LAP3: variants seen among roughly 807,000 people sequenced by gnomAD.
LAP3 encodes leucine aminopeptidase 3.
In LAP3, 46 loss-of-function variants were observed where a neutral mutation model predicts 58.8. That is an observed-to-expected ratio of 0.78 (90% CI 0.62 to 1.00). LAP3 has a LOEUF of 1.00. Among genes scored for constraint, LAP3 ranks in the 50% least tolerant of loss-of-function variants. LAP3 has a pLI of 0.00. For missense variants in LAP3, 615 were observed against 659.1 expected, an observed-to-expected ratio of 0.93 and a Z score of 0.73; for synonymous variants, 257 against 237.7, an observed-to-expected ratio of 1.08 and a Z score of -0.75.
intron 2 of LAP3, among the ~76,000 whole-genome samples, chr4:17,581,329 C>G (rs1178920782): frequency 6.6e-6 from 1 of 152,206 alleles, no homozygotes; most frequent in African/African-American, 2.4e-5. Context: ...CCTTGTGCAG[C>G]TGTAGCATTG....
In LAP3 at chr4:17,581,817, A is replaced by G; in HGVS notation, c.273+3A>G. ...GAACCTTTTATGGTCTGCATCAGGT[A>G]TGAGAAGAACGTGATCATTTGGTAA... On this transcript the variant is annotated splice_donor_region_variant and intron_variant, in intron 3 of 12. Transcript: ENST00000226299. 2 of 1,612,518 alleles carry G rather than the reference A, an allele frequency of 1.2e-6. No individual in the cohort carries two copies. The highest frequency in any genetic ancestry group is 2.2e-5 in the East Asian group (1 of 44,880).
rs754150532 is a variant in LAP3, at chr4:17,579,805, G to T, written c.103-19G>T. 2 of 1,419,378 alleles carry T rather than the reference G, an allele frequency of 1.4e-6. No individual in the cohort carries two copies. Among genetic ancestry groups the T allele is most frequent in the Non-Finnish European group, 9.9e-7 (1 of 1,010,666 alleles). 87.9% of individuals were successfully genotyped at this position (1,419,378 alleles called of 1,614,324 possible). A position where few individuals can be genotyped will look rare whatever the true frequency, so the allele number is the denominator to read the frequency against. ...TCTACTCTAATTCTATTATATTTAC[G>T]TTTTTTGCTTATTCCCAGGGCCTTG... On this transcript the variant is annotated intron_variant, in intron 1 of 12. Transcript: ENST00000226299.
chr4:17,601,027 T>G (rs1236636761), intron 10 of LAP3, among the ~76,000 whole-genome samples: 1 of 152,192 alleles, frequency 6.6e-6, no homozygotes, highest in Non-Finnish European at 1.5e-5. Flanking sequence ...TACCCCAGAT[T>G]GTAGGAACAG....
Position 17,583,597 on chromosome 4 carries a change from T to TC in LAP3, c.494_495insC (p.Gln167AlafsTer43). 1 of 1,614,122 alleles carries TC rather than the reference T, an allele frequency of 6.2e-7. No individual in the cohort carries two copies. The highest frequency in any genetic ancestry group is 1.3e-5 in the African/African-American group (1 of 75,022). On this transcript the variant is annotated frameshift_variant, in exon 5 of 13. Transcript: ENST00000226299. LOFTEE classifies it high-confidence loss of function. Reference sequence around the variant, plus strand: ...CTTGGTCTCTATGAATACGATGACCTAAAGCAAAAAAAGAAGATGGCTGTG... The same window carrying TC: ...CTTGGTCTCTATGAATACGATGACCTCAAAGCAAAAAAAGAAGATGGCTGTG...
chr4:17,605,158 A>G (rs1341222814), intron 11 of LAP3, among the ~76,000 whole-genome samples: 1 of 150,458 alleles, frequency 6.6e-6, no homozygotes, highest in South Asian at 2.1e-4. Context: ...ACCCTCACTT[A>G]CTGCCATTGG....
In LAP3 at chr4:17,583,468, C is replaced by G. The variant is rs16895245; in HGVS notation, c.380-15C>G. The G allele has an allele frequency of 4.3e-6, 7 of 1,612,758 alleles. No individual in the cohort carries two copies. The highest frequency in any genetic ancestry group is 1.3e-5 in the African/African-American group (1 of 74,818). ...TGGACTGACTCCAGTTTTCTGATTC[C>G]TCTGTCTTTTCAAGCGGGGTGCAGG... On this transcript the variant is annotated splice_polypyrimidine_tract_variant and intron_variant, in intron 4 of 12. Transcript: ENST00000226299.
In LAP3 at chr4:17,582,330, G is replaced by A. The variant is rs1179061321; in HGVS notation, c.316G>A (p.Ala106Thr). ...VVLVGLGKKAAGIDEQENWHE... is the reference protein window; with the variant it reads ...VVLVGLGKKATGIDEQENWHE... ...GCTAGTTGGCCTCGGCAAAAAGGCA[G>A]CTGGAATCGACGAACAGGAAAACTG... The change falls in exon 4 of 13, where the codon GCT becomes ACT. Residue 106 changes from alanine to threonine, a missense_variant. By Grantham distance (58) the Ala-to-Thr change is moderately conservative. Coordinates refer to ENST00000226299, the MANE Select transcript of LAP3 (RefSeq NM_015907.3). 1 of 1,614,052 alleles carries A rather than the reference G, an allele frequency of 6.2e-7. No homozygotes were observed. Among genetic ancestry groups the A allele is most frequent in the Non-Finnish European group, 8.5e-7 (1 of 1,180,030 alleles).
At chr4:17,584,926 G>C (rs568241696) in intron 5 of LAP3, 46 bp from the exon 6 acceptor site, 1 of 1,595,906 alleles carries the variant, frequency 6.3e-7, no homozygotes, top group Non-Finnish European at 8.6e-7. Context: ...GGCAGTCAGC[G>C]TTCTTGAGAG....
At chr4:17,578,722 T>C (rs1366962812) in intron 1 of LAP3, among the ~76,000 whole-genome samples, 1 of 152,226 alleles carries the variant, frequency 6.6e-6, no homozygotes, top group African/African-American at 2.4e-5. Context: ...TGCTTCCTCA[T>C]TTCTGGTATT....
chr4:17,597,887 A>G (rs1176242697), intron 9 of LAP3, among the ~76,000 whole-genome samples: 1 of 152,222 alleles, frequency 6.6e-6, no homozygotes, highest in Non-Finnish European at 1.5e-5. Flanking sequence ...GGTGTGTACA[A>G]GCCACTCAGA....
chr4:17,587,214 G>A (rs1021259402), intron 6 of LAP3, among the ~76,000 whole-genome samples: 20 of 152,216 alleles, frequency 1.3e-4, no homozygotes, highest in Non-Finnish European at 2.6e-4. Context: ...TTGTAGCCGA[G>A]CAAAGGGAAA....
At chr4:17,577,863 A>G (rs1047879687) in intron 1 of LAP3, among the ~76,000 whole-genome samples, 1 of 152,146 alleles carries the variant, frequency 6.6e-6, no homozygotes, top group Non-Finnish European at 1.5e-5. Context: ...TCCTGGCAGT[A>G]ACCCGGGGAA....
rs1030811225 is a variant in LAP3 at position 17,597,029 on chromosome 4, T to A, written c.989-17T>A. On this transcript the variant is annotated splice_polypyrimidine_tract_variant and intron_variant, in intron 8 of 12. Transcript: ENST00000226299. ...ACCCAGTATATACTGTGTGCCTTCA[T>A]ATATTATTTCCAATAGGTCTGGCCC... The A allele has an allele frequency of 6.8e-6, 11 of 1,613,254 alleles. No individual in the cohort carries two copies. The African/African-American group carries it at 1.3e-4, about 20-fold the overall frequency.
At chr4:17,595,833 G>C (rs1310163478) in intron 8 of LAP3, among the ~76,000 whole-genome samples, 2 of 152,138 alleles carry the variant, frequency 1.3e-5, no homozygotes, top group Non-Finnish European at 2.9e-5. Context: ...AACTTGCTGG[G>C]TACTTGGGGT....
intron 2 of LAP3, among the ~76,000 whole-genome samples, chr4:17,580,186 T>TATATATATATGTA (rs58358985): frequency 4.0e-4 from 12 of 30,200 alleles, no homozygotes; most frequent in African/African-American, 2.1e-3. Flanking sequence ...ATATATGTAT[T>TATATATATATGTA]TTTTTTTTTT....
chr4:17,577,249 C>CGAATGCGGGCGCACACGAATGCGGGCG lies in LAP3; in HGVS notation c.-217_-216insGAATGCGGGCGCACACGAATGCGGGCG. The stretch of plus-strand genomic sequence containing the variant: ...GCGGGCGCACACGAATGCGGGCGCA[C>CGAATGCGGGCGCACACGAATGCGGGCG]CCTTGAGTCCCCTCCACAACCGCGG... On this transcript the variant is annotated 5_prime_UTR_variant, in exon 1 of 13. It adds an upstream start codon to the 5' untranslated region. Coordinates refer to ENST00000226299, the MANE Select transcript of LAP3 (RefSeq NM_015907.3). 5.1e-6 allele frequency: 2 copies of CGAATGCGGGCGCACACGAATGCGGGCG among 390,326 alleles called. No homozygotes were observed. Among genetic ancestry groups the CGAATGCGGGCGCACACGAATGCGGGCG allele is most frequent in the East Asian group, 4.2e-5 (1 of 23,602 alleles). 24.2% of individuals were successfully genotyped at this position (390,326 alleles called of 1,614,324 possible). A position where few individuals can be genotyped will look rare whatever the true frequency, so the allele number is the denominator to read the frequency against.
rs1560340700 is a variant in LAP3 at position 17,579,866 on chromosome 4, G to C, written c.145G>C (p.Val49Leu). The C allele has an allele frequency of 6.2e-7, 1 of 1,610,416 alleles. No individual in the cohort carries two copies. Among genetic ancestry groups the C allele is most frequent in the Non-Finnish European group, 8.5e-7 (1 of 1,178,180 alleles). ...CTATTCCAAAGAAAAAGAAGATGAT[G>C]TGCCACAGTTCACAAGTGCAGGAGA... ...GIYSKEKEDDVPQFTSAGENF... is the reference protein window; with the variant it reads ...GIYSKEKEDDLPQFTSAGENF... Residue 49 changes from valine to leucine, a missense_variant, in exon 2 of 13, where the codon GTG (valine) becomes CTG (leucine). By Grantham distance (32) the Val-to-Leu change is conservative. Transcript: ENST00000226299.
chr4:17,597,179 G>A, intron 9 of LAP3, 45 bp downstream of exon 9: 2 of 1,505,082 alleles, frequency 1.3e-6, no homozygotes, highest in Non-Finnish European at 1.9e-6. Context: ...GCGTTCCTCA[G>A]GAATCCCGTG....
chr4:17,595,418 T>C lies in LAP3; in HGVS notation c.872T>C (p.Ile291Thr). ...TGTCCATTTCCCCATAGTGGTGGTA[T>C]CTCCATCAAGGCTTCTGCAAATATG... is the stretch of plus-strand genomic sequence containing the variant. ...GKGITFDSGG[I>T]SIKASANMDL... Residue 291 changes from isoleucine to threonine, a missense_variant, in exon 8 of 13, where the codon ATC (isoleucine) becomes ACC (threonine). Physicochemically the swap from Ile to Thr is moderately conservative, Grantham distance 89 (BLOSUM62 -1). Coordinates refer to ENST00000226299, the MANE Select transcript of LAP3 (RefSeq NM_015907.3). 1 of 1,613,872 alleles carries C rather than the reference T, an allele frequency of 6.2e-7. No individual in the cohort carries two copies. Among genetic ancestry groups the C allele is most frequent in the African/African-American group, 1.3e-5 (1 of 75,038 alleles).
Sources: gnomAD v4.1 joint callset for allele counts (sites outside exome capture counted in the v4.1 genomes callset) on GRCh38, gnomAD v4.1.1 for gene constraint, MANE v1.5 for transcripts, NCBI Gene and HGNC (gene_info 2026-07-23, HGNC 2026-07-21) for gene names.